The following COBL variants were observed in gnomAD, a reference collection of about 807,000 sequenced individuals.
COBL encodes the protein protein cordon-bleu.
Under a neutral mutation model 98.8 loss-of-function variants are expected in COBL, and 51 were observed. That is an observed-to-expected ratio of 0.52 (90% CI 0.41 to 0.65). The LOEUF (loss-of-function observed/expected upper bound fraction) is 0.65. Ranked by LOEUF, COBL falls within the 30% of genes least tolerant of loss-of-function variation. The pLI is 0.00. For missense variants in COBL, 1,617 were observed against 1,617.5 expected, an observed-to-expected ratio of 1.00 and a Z score of 0.01; for synonymous variants, 634 against 651.7, an observed-to-expected ratio of 0.97 and a Z score of 0.41.
At chr7:51,244,768 T>C (rs796685530) in intron 1 of COBL, among the ~76,000 whole-genome samples, 52 of 152,232 alleles carry the variant, frequency 3.4e-4, no homozygotes, top group African/African-American at 1.2e-3. Flanking sequence ...CCCCATTATA[T>C]CATTGCTGCA....
intron 1 of COBL, among the ~76,000 whole-genome samples, chr7:51,249,996 G>A (rs1796588072): frequency 6.6e-6 from 1 of 152,122 alleles, no homozygotes; most frequent in Non-Finnish European, 1.5e-5. Flanking sequence ...CAGCTACTCA[G>A]GAGGCTGAGG....
intron 7 of COBL, chr7:51,072,238 A>G (rs1205113348): frequency 1.3e-5 from 2 of 152,232 alleles, no homozygotes; most frequent in Non-Finnish European, 2.9e-5. Context: ...CATCTGCATA[A>G]TAAAAGTTAA....
chr7:51,246,031 T>C (rs1796246231), intron 1 of COBL, among the ~76,000 whole-genome samples: 1 of 152,192 alleles, frequency 6.6e-6, no homozygotes, highest in Non-Finnish European at 1.5e-5. Context: ...AATTATACCA[T>C]GTGGTATGTA....
intron 6 of COBL, among the ~76,000 whole-genome samples, chr7:51,098,532 T>C (rs1332786391): frequency 5.3e-5 from 8 of 152,154 alleles, no homozygotes; most frequent in Non-Finnish European, 1.2e-4. Context: ...CTTCAACAAA[T>C]GGTGTTTGGA....
intron 6 of COBL, among the ~76,000 whole-genome samples, chr7:51,094,707 T>G (rs569642574): frequency 1.8e-4 from 28 of 152,156 alleles, no homozygotes; most frequent in African/African-American, 6.3e-4. Context: ...AGTAACTATA[T>G]AGACAAATAC....
chr7:51,086,080 G>C (rs1466920061), intron 6 of COBL, among the ~76,000 whole-genome samples: 1 of 152,072 alleles, frequency 6.6e-6, no homozygotes, highest in Non-Finnish European at 1.5e-5. Context: ...TGTTTCTGAA[G>C]GACTACATAA....
chr7:51,277,310 G>A (rs773315763), intron 1 of COBL, among the ~76,000 whole-genome samples: 2 of 152,210 alleles, frequency 1.3e-5, no homozygotes, highest in African/African-American at 2.4e-5. Context: ...GTGTGCATCT[G>A]TGTGTGTGCA....
At chr7:51,083,154 G>A (rs1012368057) in intron 7 of COBL, 5 of 1,501,298 alleles carry the variant, frequency 3.3e-6, no homozygotes, top group African/African-American at 1.4e-5. Flanking sequence ...TAGGGCGGGG[G>A]TGGGGGAAGC....
At chr7:51,201,938 G>A (rs1791169985) in intron 2 of COBL, among the ~76,000 whole-genome samples, 1 of 152,100 alleles carries the variant, frequency 6.6e-6, no homozygotes, top group African/African-American at 2.4e-5. Context: ...ATGAAATCTT[G>A]CACCATCCTG....
At chr7:51,061,891 T>C (rs979839396) in intron 7 of COBL, among the ~76,000 whole-genome samples, 2 of 151,234 alleles carry the variant, frequency 1.3e-5, no homozygotes, top group African/African-American at 4.9e-5. Flanking sequence ...GTCAAACTTC[T>C]TGGTTTCTAT....
chr7:51,271,615 G>A (rs1798768291), intron 1 of COBL, among the ~76,000 whole-genome samples: 1 of 152,188 alleles, frequency 6.6e-6, no homozygotes, highest in African/African-American at 2.4e-5. Flanking sequence ...ATCGATAAAA[G>A]TTTACTTAGG....
chr7:51,238,865 G>A (rs763626924), intron 1 of COBL, among the ~76,000 whole-genome samples: 9 of 152,008 alleles, frequency 5.9e-5, no homozygotes, highest in Admixed American at 2.6e-4. Context: ...TCTTCTTCCC[G>A]GGAGTCCCCG....
intron 2 of COBL, among the ~76,000 whole-genome samples, chr7:51,214,629 T>C (rs1477113779): frequency 6.6e-6 from 1 of 152,190 alleles, no homozygotes; most frequent in African/African-American, 2.4e-5. Flanking sequence ...TTCTATGTGA[T>C]TCTCACTCAG....
intron 6 of COBL, among the ~76,000 whole-genome samples, chr7:51,105,018 A>G (rs993337408): frequency 2.6e-5 from 4 of 152,078 alleles, no homozygotes; most frequent in Admixed American, 1.3e-4. Context: ...TAAGCAGGGA[A>G]GGGGACGGGG....
chr7:51,081,907 C>T (rs1322346548), intron 7 of COBL, among the ~76,000 whole-genome samples: 1 of 151,912 alleles, frequency 6.6e-6, no homozygotes, highest in Non-Finnish European at 1.5e-5. Flanking sequence ...TGCAGTCTTT[C>T]TGATTGATAA....
intron 1 of COBL, among the ~76,000 whole-genome samples, chr7:51,224,874 T>C (rs1794028602): frequency 1.3e-5 from 2 of 152,150 alleles, no homozygotes; most frequent in African/African-American, 2.4e-5. Context: ...TACACCATGT[T>C]GGTCAGGCTA....
chr7:51,172,945 C>T (rs1310014683), intron 5 of COBL, among the ~76,000 whole-genome samples: 2 of 151,934 alleles, frequency 1.3e-5, no homozygotes, highest in African/African-American at 4.8e-5. Flanking sequence ...TGTATCACCA[C>T]ACCCAGCTAA....
At chr7:51,122,652 T>C (rs765038546) in intron 6 of COBL, among the ~76,000 whole-genome samples, 66 of 152,232 alleles carry the variant, frequency 4.3e-4, no homozygotes, top group Non-Finnish European at 8.1e-4. Flanking sequence ...TTTACTAAAA[T>C]GGCAGATATG....
intron 6 of COBL, among the ~76,000 whole-genome samples, chr7:51,103,358 G>C (rs1285105111): frequency 6.6e-6 from 1 of 152,064 alleles, no homozygotes; most frequent in Non-Finnish European, 1.5e-5. Context: ...GTGTCCATGT[G>C]CTCTTAGCAA....
Sources: allele counts gnomAD v4.1 joint callset (sites outside exome capture counted in the v4.1 genomes callset), GRCh38; gene constraint gnomAD v4.1.1; transcripts MANE v1.5; gene names NCBI Gene and HGNC (gene_info 2026-07-23, HGNC 2026-07-21).